CLVS1: variants seen among roughly 807,000 people sequenced by gnomAD.
The protein encoded by CLVS1 is clavesin 1.
CLVS1 carries 10 observed loss-of-function variants against 33.1 expected under a neutral mutation model. The ratio of observed to expected loss-of-function variants is 0.30; its 90% CI spans 0.19 to 0.51. The LOEUF (loss-of-function observed/expected upper bound fraction) is 0.51. Ranked by LOEUF, CLVS1 falls within the 20% of genes least tolerant of loss-of-function variation. The pLI is 0.97. For synonymous variants in CLVS1, 163 were observed against 166.1 expected (o/e 0.98, Z 0.14); for missense variants, 343 against 433.4 (o/e 0.79, Z 1.85).
chr8:61,362,968 G>T (rs1379758084), intron 2 of CLVS1, among the ~76,000 whole-genome samples: 2 of 152,326 alleles, frequency 1.3e-5, no homozygotes, highest in East Asian at 3.9e-4. Flanking sequence ...ATATGAGCCA[G>T]AACTAGGAAA....
At chr8:60,967,825 T>C in the CLVS1 span, 1 of 380,036 alleles carries the variant, frequency 2.6e-6, no homozygotes, top group Non-Finnish European at 5.2e-6. Flanking sequence ...GCCTAATTGC[T>C]CTATCCACGG....
chr8:61,149,897 T>A (rs1417423598), intron 2 of CLVS1, among the ~76,000 whole-genome samples: 3 of 152,190 alleles, frequency 2.0e-5, no homozygotes, highest in Non-Finnish European at 4.4e-5. Flanking sequence ...TTTTAGGAAT[T>A]CAACATTCTA....
the CLVS1 span, among the ~76,000 whole-genome samples, chr8:61,042,914 C>G: frequency 1.3e-5 from 2 of 152,198 alleles, no homozygotes; most frequent in Admixed American, 1.3e-4. Flanking sequence ...CAAATGTATA[C>G]TGTAGGAATT....
At chr8:61,232,033 T>TG (rs1354680325) in intron 2 of CLVS1, among the ~76,000 whole-genome samples, 535 of 46,658 alleles carry the variant, frequency 0.011, 25 homozygotes, top group East Asian at 0.047. Flanking sequence ...GTTTTTTTTT[T>TG]TTTTTTTTTT....
chr8:61,191,992 C>A (rs1374756931), intron 2 of CLVS1, among the ~76,000 whole-genome samples: 1 of 152,166 alleles, frequency 6.6e-6, no homozygotes, highest in African/African-American at 2.4e-5. Context: ...CATCAAGCTA[C>A]CAATAACTTT....
At chr8:61,033,907 G>A in the CLVS1 span, among the ~76,000 whole-genome samples, 2 of 152,230 alleles carry the variant, frequency 1.3e-5, no homozygotes, top group Non-Finnish European at 2.9e-5. Context: ...ATAACACCCT[G>A]TGAATAACCA....
At chr8:61,215,356 G>C (rs1391284997) in intron 2 of CLVS1, among the ~76,000 whole-genome samples, 3 of 152,118 alleles carry the variant, frequency 2.0e-5, no homozygotes, top group Admixed American at 1.3e-4. Flanking sequence ...TGGCCACATG[G>C]CACATGGTCA....
intron 2 of CLVS1, among the ~76,000 whole-genome samples, chr8:61,175,836 C>T (rs919574262): frequency 6.6e-6 from 1 of 152,188 alleles, no homozygotes; most frequent in African/African-American, 2.4e-5. Flanking sequence ...TAAGCTTTCC[C>T]ATTTGTGATT....
chr8:61,220,081 C>T (rs1808177145), intron 2 of CLVS1, among the ~76,000 whole-genome samples: 2 of 151,760 alleles, frequency 1.3e-5, no homozygotes, highest in Non-Finnish European at 2.9e-5. Context: ...GCAAAATCTC[C>T]CATTGCATTT....
chr8:61,112,418 T>C (rs1440174261), intron 1 of CLVS1, among the ~76,000 whole-genome samples: 1 of 152,244 alleles, frequency 6.6e-6, no homozygotes, highest in African/African-American at 2.4e-5. Flanking sequence ...TTTCTCTCCT[T>C]TTCAGCATTT....
chr8:61,029,214 G>C, the CLVS1 span, among the ~76,000 whole-genome samples: 25 of 152,200 alleles, frequency 1.6e-4, no homozygotes, highest in Non-Finnish European at 3.5e-4. Context: ...TGTGAGAGGA[G>C]GGTTGAGGAC....
intron 1 of CLVS1, among the ~76,000 whole-genome samples, chr8:61,107,160 A>T (rs1805552110): frequency 6.6e-6 from 1 of 152,228 alleles, no homozygotes; most frequent in African/African-American, 2.4e-5. Flanking sequence ...ATTTGAAACT[A>T]TAAGGATTGG....
chr8:61,071,331 G>GGCACGAAA (rs906940630), intron 1 of CLVS1, among the ~76,000 whole-genome samples: 1 of 152,204 alleles, frequency 6.6e-6, no homozygotes, highest in African/African-American at 2.4e-5. Context: ...CCTTCTGGAG[G>GGCACGAAA]CTGTAGGGCA....
chr8:60,969,233 G>T, the CLVS1 span, among the ~76,000 whole-genome samples: 1 of 152,192 alleles, frequency 6.6e-6, no homozygotes, highest in African/African-American at 2.4e-5. Context: ...TGGAACAGGG[G>T]TTGGGGGTTA....
At chr8:61,461,763 G>C (rs919773600) in intron 5 of CLVS1, among the ~76,000 whole-genome samples, 3 of 152,024 alleles carry the variant, frequency 2.0e-5, no homozygotes, top group Admixed American at 6.5e-5. Context: ...GTAGTTGGTG[G>C]GTATGTGCCT....
At chr8:61,085,194 C>T (rs1380613593) in intron 1 of CLVS1, among the ~76,000 whole-genome samples, 3 of 152,194 alleles carry the variant, frequency 2.0e-5, no homozygotes, top group African/African-American at 7.2e-5. Context: ...AATAATGTCA[C>T]TGTTTTATTT....
At chr8:61,259,676 G>GCCACCTTCTAGTT (rs1194449880) in intron 2 of CLVS1, among the ~76,000 whole-genome samples, 1 of 152,242 alleles carries the variant, frequency 6.6e-6, no homozygotes, top group Non-Finnish European at 1.5e-5. Flanking sequence ...ACATGCAGCA[G>GCCACCTTCTAGTT]CATCTATGCA....
chr8:60,985,962 G>C, the CLVS1 span, among the ~76,000 whole-genome samples: 2 of 152,208 alleles, frequency 1.3e-5, no homozygotes, highest in Non-Finnish European at 2.9e-5. Flanking sequence ...CATTTTTGTT[G>C]AAAGTAGTCC....
At chr8:61,318,213 T>C (rs1236405444) in intron 2 of CLVS1, among the ~76,000 whole-genome samples, 1 of 152,214 alleles carries the variant, frequency 6.6e-6, no homozygotes, top group African/African-American at 2.4e-5. Context: ...TTCTTCATAG[T>C]AATCTGGTTT....
Sources: allele counts gnomAD v4.1 joint callset (sites outside exome capture counted in the v4.1 genomes callset), GRCh38; gene constraint gnomAD v4.1.1; transcripts MANE v1.5; gene names NCBI Gene and HGNC (gene_info 2026-07-23, HGNC 2026-07-21).